Variants in SSBP3 observed in about 807,000 individuals in gnomAD.
SSBP3 encodes single-stranded DNA-binding protein 3.
SSBP3 carries 5 observed loss-of-function variants against 69.6 expected under a neutral mutation model. The ratio of observed to expected loss-of-function variants is 0.07; its 90% confidence interval spans 0.04 to 0.15. SSBP3 has a LOEUF of 0.15. Ranked by LOEUF, SSBP3 falls within the 10% of genes least tolerant of loss-of-function variation. SSBP3 has a pLI of 1.00. For synonymous variants in SSBP3, 196 were observed against 193.4 expected (o/e 1.01, Z -0.11); for missense variants, 312 against 534.0 (o/e 0.58, Z 4.10).
At chr1:54,352,146 A>C in intron 4 of SSBP3, among the ~76,000 whole-genome samples, 1 of 151,444 alleles carries the variant, frequency 6.6e-6, no homozygotes, top group African/African-American at 2.4e-5. Flanking sequence ...ACAAACAACA[A>C]CAACAACCAA....
chr1:54,384,279 T>C (rs532034750), intron 4 of SSBP3, among the ~76,000 whole-genome samples: 1 of 152,174 alleles, frequency 6.6e-6, no homozygotes, highest in African/African-American at 2.4e-5. Context: ...AAAGACCTAC[T>C]TCAGAAAAGA....
rs562897749 is a variant in SSBP3 at position 54,381,817 on chromosome 1, CCT to C, written c.276+20042_276+20043del. ...CCAGGGAAGGGTGACCCCACAATCC[CCT>C]GAGGGGATGCTGGGAAGCATTCCTG... On this transcript the variant is annotated intron_variant, in intron 4 of 17. Coordinates refer to ENST00000610401, the Ensembl canonical transcript of SSBP3. 9.8e-5 allele frequency among the ~76,000 whole-genome samples: 15 copies of C among 152,374 alleles called. No homozygotes were observed. The East Asian group carries it at 1.5e-3, about 16-fold the overall frequency.
At chr1:54,295,397 A>G (rs565374392) in intron 4 of SSBP3, among the ~76,000 whole-genome samples, 1 of 152,328 alleles carries the variant, frequency 6.6e-6, no homozygotes, top group South Asian at 2.1e-4. Flanking sequence ...AGTGGGTACT[A>G]AAGTCCCAAG....
chr1:54,372,017 C>T (rs992335542), intron 4 of SSBP3, among the ~76,000 whole-genome samples: 4 of 152,124 alleles, frequency 2.6e-5, no homozygotes, highest in Non-Finnish European at 5.9e-5. Flanking sequence ...AAGGGACTCA[C>T]CAACTCTCCC....
chr1:54,379,964 C>T (rs927796238), intron 4 of SSBP3, among the ~76,000 whole-genome samples: 13 of 152,214 alleles, frequency 8.5e-5, no homozygotes, highest in African/African-American at 3.1e-4. Context: ...GGGAAAGGGG[C>T]ACTCCTGGTC....
exon 16 of SSBP3, chr1:54,228,457 G>C: frequency 6.2e-7 from 1 of 1,614,212 alleles, no homozygotes; most frequent in East Asian, 2.2e-5. Context: ...ACTTTTGGAA[G>C]TCCGTCTATG....
At chr1:54,317,093 T>C (rs1173190206) in intron 4 of SSBP3, among the ~76,000 whole-genome samples, 1 of 152,064 alleles carries the variant, frequency 6.6e-6, no homozygotes, top group Non-Finnish European at 1.5e-5. Flanking sequence ...GCAAAAATCA[T>C]CCACAATGGA....
intron 4 of SSBP3, among the ~76,000 whole-genome samples, chr1:54,334,135 C>T (rs1011744415): frequency 1.1e-4 from 16 of 152,180 alleles, no homozygotes; most frequent in African/African-American, 3.4e-4. Context: ...GGGCGGATCA[C>T]GAGGTCAAGC....
intron 4 of SSBP3, 77 bp downstream of exon 4, chr1:54,401,784 T>C: frequency 8.0e-7 from 1 of 1,244,764 alleles, no homozygotes; most frequent in Non-Finnish European, 1.2e-6. Flanking sequence ...GAACTGGCTG[T>C]GTTTGCTTTT....
intron 4 of SSBP3, among the ~76,000 whole-genome samples, chr1:54,392,348 G>A (rs983555999): frequency 2.0e-5 from 3 of 152,190 alleles, no homozygotes; most frequent in African/African-American, 4.8e-5. Flanking sequence ...CTAAGATTCA[G>A]TCTCAGCTGT....
At chr1:54,380,642 G>C (rs982639688) in intron 4 of SSBP3, among the ~76,000 whole-genome samples, 1 of 152,136 alleles carries the variant, frequency 6.6e-6, no homozygotes, top group Non-Finnish European at 1.5e-5. Flanking sequence ...CCTACGGAGG[G>C]GTATTCCAGA....
intron 4 of SSBP3, among the ~76,000 whole-genome samples, chr1:54,387,295 T>C (rs1648164433): frequency 6.6e-6 from 1 of 152,208 alleles, no homozygotes; most frequent in Non-Finnish European, 1.5e-5. Flanking sequence ...ATGATTCGAC[T>C]GCTTAAAGCT....
chr1:54,230,408 G>A (rs1193586246), intron 14 of SSBP3, among the ~76,000 whole-genome samples: 1 of 152,174 alleles, frequency 6.6e-6, no homozygotes, highest in Admixed American at 6.5e-5. Flanking sequence ...TTATGCACAT[G>A]TATGTCATTA....
At chr1:54,324,418 C>T (rs554944182) in intron 4 of SSBP3, among the ~76,000 whole-genome samples, 1 of 152,090 alleles carries the variant, frequency 6.6e-6, no homozygotes, top group South Asian at 2.1e-4. Flanking sequence ...TGACGACAGT[C>T]CCCACCCCCA....
intron 5 of SSBP3, among the ~76,000 whole-genome samples, chr1:54,280,031 G>A (rs1222432364): frequency 6.6e-6 from 1 of 152,146 alleles, no homozygotes; most frequent in East Asian, 1.9e-4. Context: ...CAGTGTTCTG[G>A]GAATGCATAC....
At chr1:54,406,025 G>GGCGCCGAGCC (rs1557600002) in exon 1 of SSBP3, 22 of 1,441,096 alleles carry the variant, frequency 1.5e-5, no homozygotes. Context: ...CAGGGAAGAG[G>GGCGCCGAGCC]GCGCCGAGCC....
upstream of SSBP3, among the ~76,000 whole-genome samples, chr1:54,409,162 G>T (rs1649925076): frequency 6.6e-6 from 1 of 152,052 alleles, no homozygotes; most frequent in South Asian, 2.1e-4. Flanking sequence ...CACATCTTTG[G>T]GCCTGAAGTC....
chr1:54,300,369 G>A (rs1645779230), intron 4 of SSBP3, among the ~76,000 whole-genome samples: 1 of 152,230 alleles, frequency 6.6e-6, no homozygotes, highest in Non-Finnish European at 1.5e-5. Context: ...AGCCCAGAGA[G>A]TGGAGAGTAT....
rs137915076 is a variant in SSBP3, at chr1:54,229,959, C to T, written c.928-1133G>A. On this transcript the variant is annotated intron_variant, in intron 14 of 17. Transcript: ENST00000610401. ...CAGAGCAAGGCAGAGAAATCAGAAC[C>T]GGCTGCCTGGAGGAGGAAGAGAGCA... Among the ~76,000 whole-genome samples, 8 of 152,310 alleles carry T rather than the reference C, an allele frequency of 5.3e-5. No homozygotes were observed. The East Asian group carries it at 5.8e-4, about 11-fold the overall frequency.
Sources: allele counts gnomAD v4.1 joint callset (sites outside exome capture counted in the v4.1 genomes callset), GRCh38; gene constraint gnomAD v4.1.1; transcripts MANE v1.5; gene names NCBI Gene and HGNC (gene_info 2026-07-23, HGNC 2026-07-21).